ZFHX3: variants seen among roughly 807,000 people sequenced by gnomAD.
The protein encoded by ZFHX3 is zinc finger homeobox protein 3.
In ZFHX3, 42 loss-of-function variants were observed where a neutral mutation model predicts 279.1. The ratio of observed to expected loss-of-function variants is 0.15; its 90% confidence interval spans 0.12 to 0.19. The LOEUF is 0.19. Ranked by LOEUF, ZFHX3 falls within the 10% of genes least tolerant of loss-of-function variation. ZFHX3 has a pLI of 1.00. For missense variants in ZFHX3, 4,981 were observed against 4,754.0 expected, an observed-to-expected ratio of 1.05 and a Z score of -1.40; for synonymous variants, 2,293 against 1,957.8, an observed-to-expected ratio of 1.17 and a Z score of -4.52.
In ZFHX3 at chr16:72,797,596, G is replaced by A; in HGVS notation, c.5086C>T (p.Pro1696Ser). The part of the protein sequence containing the change: ...ESVGMPPLGN[P>S]IGANIASPSE... ...GGGGAAGCAATGTTGGCACCAATAG[G>A]ATTCCCCAGGGGTGGCATCCCTACA... The change falls in exon 9 of 10, where the codon CCT becomes TCT. Residue 1696 changes from proline to serine, a missense_variant. Pro to Ser is a moderately conservative substitution (Grantham distance 74, BLOSUM62 -1). Transcript: ENST00000268489. 1 of 1,614,094 alleles carries A rather than the reference G, an allele frequency of 6.2e-7. No individual in the cohort carries two copies. Among genetic ancestry groups the A allele is most frequent in the Admixed American group, 1.7e-5 (1 of 60,016 alleles).
chr16:73,658,968 C>T (rs2052751043), intron 2 of ZFHX3, among the ~76,000 whole-genome samples: 1 of 151,898 alleles, frequency 6.6e-6, no homozygotes, highest in Admixed American at 6.6e-5. Context: ...CCCAAATCCA[C>T]CCAGATTCTA....
chr16:73,188,116 C>A (rs1429571758), intron 5 of ZFHX3, among the ~76,000 whole-genome samples: 1 of 152,168 alleles, frequency 6.6e-6, no homozygotes, highest in Non-Finnish European at 1.5e-5. Flanking sequence ...CTGCCTCGGC[C>A]TCCCAAAGTG....
In ZFHX3 at chr16:73,475,223, G is replaced by A. The variant is rs144219609; in HGVS notation, c.-1546-18965C>T. Among the ~76,000 whole-genome samples the A allele has an allele frequency of 9.2e-3, 1,405 of 152,248 alleles. 17 individuals carry two copies. Among genetic ancestry groups the A allele is most frequent in the Non-Finnish European group, 0.015 (1,023 of 68,030 alleles). On this transcript the variant is annotated intron_variant, in intron 2 of 17. Coordinates refer to the ZFHX3 transcript ENST00000641206. ...AAATTACGTAATTTAAAATATTAGC[G>A]TATTCACCAATACACTGACTTTACG...
At chr16:73,284,019 G>C (rs2014524534) in intron 4 of ZFHX3, among the ~76,000 whole-genome samples, 1 of 152,020 alleles carries the variant, frequency 6.6e-6, no homozygotes, top group South Asian at 2.1e-4. Flanking sequence ...GCAAAGAGAA[G>C]AAAATAAATA....
intron 8 of ZFHX3, among the ~76,000 whole-genome samples, chr16:73,090,086 TAACTG>T (rs2144775650): frequency 6.6e-6 from 1 of 152,270 alleles, no homozygotes; most frequent in African/African-American, 2.4e-5. Flanking sequence ...TTCACTGTAA[TAACTG>T]TATTTAAACT....
intron 2 of ZFHX3, among the ~76,000 whole-genome samples, chr16:72,953,623 G>C (rs1961104990): frequency 6.6e-6 from 1 of 152,042 alleles, no homozygotes; most frequent in Non-Finnish European, 1.5e-5. Context: ...AAGAGACAAG[G>C]TCTCATTCTG....
intron 1 of ZFHX3, among the ~76,000 whole-genome samples, chr16:73,690,198 G>C (rs1356102894): frequency 2.0e-5 from 3 of 151,900 alleles, no homozygotes; most frequent in Admixed American, 1.3e-4. Context: ...ATTACACGTG[G>C]ACATACACTA....
chr16:73,743,327 C>T (rs1014694437), intron 1 of ZFHX3, among the ~76,000 whole-genome samples: 9 of 152,180 alleles, frequency 5.9e-5, no homozygotes, highest in African/African-American at 2.2e-4. Flanking sequence ...ATCAAATTCC[C>T]ACTTTGGGAT....
chr16:73,402,925 T>C (rs576010782), intron 3 of ZFHX3, among the ~76,000 whole-genome samples: 1 of 151,962 alleles, frequency 6.6e-6, no homozygotes, highest in Non-Finnish European at 1.5e-5. Context: ...AGAGAAGTAA[T>C]TCTTAACCTG....
chr16:73,280,002 A>G (rs1339773813), intron 4 of ZFHX3, among the ~76,000 whole-genome samples: 1 of 152,250 alleles, frequency 6.6e-6, no homozygotes, highest in Non-Finnish European at 1.5e-5. Context: ...CAAGAGTACC[A>G]AGAATACACA....
At chr16:73,210,869 G>A (rs367925616) in intron 5 of ZFHX3, among the ~76,000 whole-genome samples, 251 of 152,078 alleles carry the variant, frequency 1.7e-3, no homozygotes, top group African/African-American at 5.8e-3. Context: ...TGTCATTTTG[G>A]TTTCCTGAGC....
intron 3 of ZFHX3, among the ~76,000 whole-genome samples, chr16:73,378,149 G>C (rs1208101205): frequency 6.7e-6 from 1 of 149,358 alleles, no homozygotes; most frequent in Admixed American, 6.8e-5. Context: ...AGATATTTTG[G>C]GAAAGCATGG....
At chr16:72,904,781 G>C (rs543249646) in intron 3 of ZFHX3, among the ~76,000 whole-genome samples, 1 of 152,012 alleles carries the variant, frequency 6.6e-6, no homozygotes, top group Non-Finnish European at 1.5e-5. Context: ...CCTGTGGGGG[G>C]GGTCCCACAG....
intron 5 of ZFHX3, among the ~76,000 whole-genome samples, chr16:72,829,243 G>A (rs764832938): frequency 2.0e-5 from 3 of 151,522 alleles, no homozygotes; most frequent in Non-Finnish European, 4.4e-5. Flanking sequence ...GAATTCCTGG[G>A]CTCAAGTGAT....
intron 1 of ZFHX3, among the ~76,000 whole-genome samples, chr16:73,021,983 T>C (rs1964315898): frequency 6.6e-6 from 1 of 151,982 alleles, no homozygotes; most frequent in Non-Finnish European, 1.5e-5. Flanking sequence ...TTTACTCAAA[T>C]GTCACCTTCT....
intron 7 of ZFHX3, among the ~76,000 whole-genome samples, chr16:73,119,899 G>T (rs1156306685): frequency 1.3e-5 from 2 of 152,012 alleles, no homozygotes; most frequent in African/African-American, 2.4e-5. Flanking sequence ...TGTTTCCCAG[G>T]ATATTTACAA....
In ZFHX3 at chr16:72,787,791, C is replaced by T; in HGVS notation, c.10485G>A (p.Val3495=). The T allele has an allele frequency of 3.1e-6, 5 of 1,610,440 alleles. No homozygotes were observed. The highest frequency in any genetic ancestry group is 4.2e-6 in the Non-Finnish European group (5 of 1,178,448). Residue 3495 remains valine (V), a synonymous_variant, in exon 10 of 10, where the codon GTG becomes GTA. Coordinates refer to ENST00000268489, the MANE Select transcript of ZFHX3 (RefSeq NM_006885.4). ...KSLCFFGQSV[V]NLQEMVLHVP... Reference sequence around the variant, plus strand: ...CGTGAAGCACCATCTCTTGCAGGTTCACCACAGACTGGCCGAAGAAGCAGA... The same window carrying T: ...CGTGAAGCACCATCTCTTGCAGGTTTACCACAGACTGGCCGAAGAAGCAGA...
At chr16:72,971,694 G>A (rs1962110710) in intron 1 of ZFHX3, among the ~76,000 whole-genome samples, 1 of 151,868 alleles carries the variant, frequency 6.6e-6, no homozygotes, top group Admixed American at 6.6e-5. Flanking sequence ...TGCTTGCACT[G>A]GTGTGTGAGC....
chr16:73,131,685 G>C (rs1046923381), intron 6 of ZFHX3, among the ~76,000 whole-genome samples: 2 of 152,216 alleles, frequency 1.3e-5, no homozygotes, highest in Admixed American at 1.3e-4. Flanking sequence ...GCCAGTACAA[G>C]ATCTGATTTC....
Sources: gnomAD v4.1 joint callset for allele counts (sites outside exome capture counted in the v4.1 genomes callset) on GRCh38, gnomAD v4.1.1 for gene constraint, MANE v1.5 for transcripts, NCBI Gene and HGNC (gene_info 2026-07-23, HGNC 2026-07-21) for gene names.